Variants in NTSR1 observed in about 807,000 individuals in gnomAD.
NTSR1 encodes neurotensin receptor 1.
Under a neutral mutation model 31.2 loss-of-function variants are expected in NTSR1, and 29 were observed. The observed-to-expected ratio is 0.93, with a 90% CI of 0.69 to 1.27. The LOEUF (loss-of-function observed/expected upper bound fraction) is 1.27, where lower values mean the gene tolerates loss of function less well. Ranked by LOEUF, NTSR1 falls within the 50% of genes most tolerant of loss-of-function variation. The probability of loss-of-function intolerance (pLI) is 0.00; values close to 1 mark genes in which losing one functional copy is unlikely to be tolerated. For missense variants in NTSR1, 697 were observed against 595.4 expected, an observed-to-expected ratio of 1.17 and a Z score of -1.78; for synonymous variants, 282 against 269.9, an observed-to-expected ratio of 1.04 and a Z score of -0.44.
chr20:62,716,202 C>T (rs1419490275), intron 1 of NTSR1, among the ~76,000 whole-genome samples: 5 of 152,188 alleles, frequency 3.3e-5, no homozygotes, highest in African/African-American at 1.2e-4. Context: ...CCCTGACCCC[C>T]AGCGCCTGGT....
At chr20:62,739,064 TGTAAA>T (rs199928412) in intron 1 of NTSR1, among the ~76,000 whole-genome samples, 6,353 of 152,218 alleles carry the variant, frequency 0.042, 158 homozygotes, top group African/African-American at 0.051. Context: ...TCCTCACTGT[TGTAAA>T]GGAAAGCCCT....
intron 2 of NTSR1, among the ~76,000 whole-genome samples, chr20:62,757,379 G>A (rs527973820): frequency 8.5e-5 from 13 of 152,280 alleles, no homozygotes; most frequent in African/African-American, 3.1e-4. Flanking sequence ...AAAGGTAAGG[G>A]TTCGTTTCTG....
intron 1 of NTSR1, among the ~76,000 whole-genome samples, chr20:62,723,352 C>T (rs58651981): frequency 0.051 from 7,733 of 152,198 alleles, 346 homozygotes; most frequent in African/African-American, 0.12. Flanking sequence ...ACGAAGCCCC[C>T]GGCTCCTGCG....
At chr20:62,740,673 C>T (rs1157610479) in intron 1 of NTSR1, among the ~76,000 whole-genome samples, 1 of 152,248 alleles carries the variant, frequency 6.6e-6, no homozygotes, top group East Asian at 1.9e-4. Context: ...AGGGATCCTT[C>T]CCGCTCAGAT....
chr20:62,760,473 C>A lies in NTSR1; in HGVS notation c.*206C>A, dbSNP rs568781515. The A allele has an allele frequency of 3.8e-6, 2 of 530,322 alleles. No homozygotes were observed. Among genetic ancestry groups the A allele is most frequent in the Non-Finnish European group, 6.7e-6 (2 of 300,714 alleles). The allele number at this position is 530,322 out of a possible 1,614,324, so 32.9% of individuals were successfully genotyped here. ...CGGGCCTGTCCCCAACTCCTCCCCA[C>A]CCCTCCCCCATCTCCTCTTTGAAAG... On this transcript the variant is annotated 3_prime_UTR_variant, in exon 4 of 4. Transcript: ENST00000370501.
At chr20:62,724,940 C>G (rs1988880998) in intron 1 of NTSR1, among the ~76,000 whole-genome samples, 1 of 152,240 alleles carries the variant, frequency 6.6e-6, no homozygotes, top group Non-Finnish European at 1.5e-5. Flanking sequence ...AGGGCCCACT[C>G]CGATCCAGGA....
At position 62,743,577 on chromosome 20, in the gene NTSR1, G is replaced by C. The variant is rs901293836; in HGVS notation, c.715-11108G>C. Among the ~76,000 whole-genome samples the C allele has an allele frequency of 3.3e-5, 5 of 152,212 alleles. No individual in the cohort carries two copies. The highest frequency in any genetic ancestry group is 1.2e-4 in the African/African-American group (5 of 41,460). ...CACCCCAGCGGTCACCCCCTTGGGA[G>C]GGTGTGGACAGGAGCCTCCCCTCCC... On this transcript the variant is annotated intron_variant, in intron 1 of 3. Transcript: ENST00000370501. The surrounding 1 kb of genome is among the most constrained non-coding windows in gnomAD (Gnocchi z 7.5).
intron 1 of NTSR1, among the ~76,000 whole-genome samples, chr20:62,735,652 C>T (rs1416240513): frequency 1.3e-5 from 2 of 152,214 alleles, no homozygotes; most frequent in African/African-American, 2.4e-5. Context: ...CCTCAGCCTC[C>T]CCCATGCTCC....
At chr20:62,719,074 G>A (rs1988785277) in intron 1 of NTSR1, among the ~76,000 whole-genome samples, 1 of 150,342 alleles carries the variant, frequency 6.7e-6, no homozygotes, top group African/African-American at 2.5e-5. Flanking sequence ...GAATAGGAGT[G>A]ATGAGAGTAG....
chr20:62,723,677 A>G (rs1042128042), intron 1 of NTSR1, among the ~76,000 whole-genome samples: 2 of 152,186 alleles, frequency 1.3e-5, no homozygotes, highest in Non-Finnish European at 2.9e-5. Context: ...TAAGACACAG[A>G]AGCTGCCAGT....
chr20:62,737,696 C>T (rs375935062), intron 1 of NTSR1, among the ~76,000 whole-genome samples: 7 of 152,076 alleles, frequency 4.6e-5, no homozygotes, highest in East Asian at 3.9e-4. Context: ...GGTCCAGCCC[C>T]GGATGCAGGC....
chr20:62,723,737 G>A (rs1988861168), intron 1 of NTSR1, among the ~76,000 whole-genome samples: 1 of 152,226 alleles, frequency 6.6e-6, no homozygotes, highest in African/African-American at 2.4e-5. Context: ...ACAGCAGCCT[G>A]AAGCTCCTCT....
In NTSR1 at chr20:62,709,776, G is replaced by A. The variant is rs1179656052; in HGVS notation, c.569G>A (p.Ser190Asn). Residue 190 changes from serine (S) to asparagine (N), a missense_variant, in exon 1 of 4, where the codon AGC (serine) becomes AAC (asparagine). Ser to Asn is a conservative substitution (Grantham distance 46). Transcript: ENST00000370501. ...CGAAGCCGCACCAAGAAGTTCATCA[G>A]CGCCATCTGGCTCGCCTCGGCCCTG... ...MSRSRTKKFI[S>N]AIWLASALLA... is the part of the protein sequence containing the mutation. 1 of 1,613,052 alleles carries A rather than the reference G, an allele frequency of 6.2e-7. No individual in the cohort carries two copies. The highest frequency in any genetic ancestry group is 1.1e-5 in the South Asian group (1 of 91,088).
Position 62,760,162 on chromosome 20 carries a change from G to C in NTSR1, c.1152G>C (p.Pro384=). The change falls in exon 4 of 4, where the codon CCG becomes CCC. Residue 384 remains proline (P), a synonymous_variant. Coordinates refer to ENST00000370501, the MANE Select transcript of NTSR1 (RefSeq NM_002531.3). ...IFLATLACLC[P]VWRRRRKRPA... is the part of the protein sequence containing the mutation. ...TGGCCACACTGGCCTGCCTCTGCCC[G>C]GTGTGGCGGCGCAGGAGGAAGAGGC... 1.2e-6 allele frequency: 2 copies of C among 1,614,098 alleles called. No homozygotes were observed. Among genetic ancestry groups the C allele is most frequent in the Middle Eastern group, 1.6e-4 (1 of 6,062 alleles).
Position 62,758,387 on chromosome 20 carries a change from T to C in NTSR1, c.1007+31T>C. ...TACCGGGAACCAGGAAGTTGGGTGCTGGACAAGTAAGTGCTCCCAAAACAG... is the reference window on the plus strand; with the variant it reads ...TACCGGGAACCAGGAAGTTGGGTGCCGGACAAGTAAGTGCTCCCAAAACAG... On this transcript the variant is annotated intron_variant, in intron 3 of 3. Transcript: ENST00000370501. This position sits in a 1 kb window ranked among gnomAD's most constrained non-coding sequence, Gnocchi z 4.5. 6.3e-7 allele frequency: 1 copy of C among 1,592,824 alleles called. No homozygotes were observed. The highest frequency in any genetic ancestry group is 1.1e-5 in the South Asian group (1 of 90,634).
chr20:62,728,806 T>C (rs1174121010), intron 1 of NTSR1, among the ~76,000 whole-genome samples: 1 of 152,168 alleles, frequency 6.6e-6, no homozygotes, highest in Non-Finnish European at 1.5e-5. Flanking sequence ...CCCAGCCAGG[T>C]GCCCACCCAG....
rs1289743833 is a variant in NTSR1 at position 62,709,592 on chromosome 20, T to C, written c.385T>C (p.Trp129Arg). 3.1e-6 allele frequency: 5 copies of C among 1,611,656 alleles called. No homozygotes were observed. The highest frequency in any genetic ancestry group is 2.2e-5 in the South Asian group (2 of 91,086). The change falls in exon 1 of 4, where the codon TGG (tryptophan) becomes CGG (arginine). Residue 129 changes from tryptophan to arginine, a missense_variant. Trp to Arg is a moderately radical substitution (Grantham distance 101). Coordinates refer to ENST00000370501, the MANE Select transcript of NTSR1 (RefSeq NM_002531.3). ...AMPVELYNFI[W>R]VHHPWAFGDA... Reference sequence around the variant, plus strand: ...GCCCGTGGAGCTGTACAACTTCATCTGGGTGCACCACCCCTGGGCCTTCGG... The same window carrying C: ...GCCCGTGGAGCTGTACAACTTCATCCGGGTGCACCACCCCTGGGCCTTCGG...
chr20:62,752,105 G>A (rs183135603), intron 1 of NTSR1, among the ~76,000 whole-genome samples: 2 of 152,186 alleles, frequency 1.3e-5, no homozygotes, highest in Admixed American at 6.5e-5. Context: ...AACAGCTCTC[G>A]TGTTTTATAG....
In NTSR1 at chr20:62,732,142, T is replaced by C. The variant is rs1022126784; in HGVS notation, c.714+22221T>C. On this transcript the variant is annotated intron_variant, in intron 1 of 3. Coordinates refer to ENST00000370501, the MANE Select transcript of NTSR1 (RefSeq NM_002531.3). This position sits in a 1 kb window ranked among gnomAD's most constrained non-coding sequence, Gnocchi z 4.0. ...TTCAAAAAAAAAAAAAAAATTACACTGTACCGATAACTGGGGCTTTATAGC... is the reference window on the plus strand; with the variant it reads ...TTCAAAAAAAAAAAAAAAATTACACCGTACCGATAACTGGGGCTTTATAGC... 1.8e-4 allele frequency among the ~76,000 whole-genome samples: 27 copies of C among 150,850 alleles called. No homozygotes were observed. The highest frequency in any genetic ancestry group is 1.3e-3 in the Admixed American group (20 of 15,118).
Sources: gnomAD v4.1 joint callset for allele counts (sites outside exome capture counted in the v4.1 genomes callset) on GRCh38, gnomAD v4.1.1 for gene constraint, Gnocchi (gnomAD v3.1) non-coding constraint, MANE v1.5 for transcripts, NCBI Gene and HGNC (gene_info 2026-07-23, HGNC 2026-07-21) for gene names.